The following LEPR variants were observed in gnomAD, a reference collection of about 807,000 sequenced individuals.
LEPR encodes the protein OB receptor.
Under a neutral mutation model 114.7 loss-of-function variants are expected in LEPR, and 56 were observed. That is an observed-to-expected ratio of 0.49 (90% confidence interval 0.39 to 0.61). The LOEUF is 0.61. Ranked by LOEUF, LEPR falls within the 20% of genes least tolerant of loss-of-function variation. The probability of loss-of-function intolerance (pLI) is 0.00; values close to 1 mark genes in which losing one functional copy is unlikely to be tolerated. For missense variants in LEPR, 1,202 were observed against 1,352.9 expected, an observed-to-expected ratio of 0.89 and a Z score of 1.75; for synonymous variants, 443 against 461.4, an observed-to-expected ratio of 0.96 and a Z score of 0.51.
intron 2 of LEPR, among the ~76,000 whole-genome samples, chr1:65,456,849 A>T (rs72681327): frequency 0.29 from 44,516 of 151,910 alleles, 8,344 homozygotes; most frequent in Non-Finnish European, 0.42. Flanking sequence ...TATTTGTTAG[A>T]TTTTTATTTG....
chr1:65,542,761 G>C (rs1296620673), intron 2 of LEPR, among the ~76,000 whole-genome samples: 1 of 151,906 alleles, frequency 6.6e-6, no homozygotes, highest in African/African-American at 2.4e-5. Flanking sequence ...ATGGTTTCCA[G>C]CTTCATTCAT....
At chr1:65,585,892 G>T (rs191887917) in intron 5 of LEPR, among the ~76,000 whole-genome samples, 6 of 152,052 alleles carry the variant, frequency 3.9e-5, no homozygotes, top group Admixed American at 3.9e-4. Context: ...ATGTAACAAG[G>T]TTGGTGGATT....
intron 2 of LEPR, among the ~76,000 whole-genome samples, chr1:65,489,665 G>A (rs900776835): frequency 2.6e-5 from 4 of 151,972 alleles, no homozygotes; most frequent in African/African-American, 9.7e-5. Flanking sequence ...GATCTTTTGA[G>A]GTATTACTCA....
At chr1:65,493,747 T>G (rs1349467434) in intron 2 of LEPR, 1 of 152,174 alleles carries the variant, frequency 6.6e-6, no homozygotes, top group East Asian at 1.9e-4. Context: ...AGGACAAGGC[T>G]GTGTTACTGA....
At chr1:65,434,041 T>C in intron 2 of LEPR, 1 of 985,344 alleles carries the variant, frequency 1.0e-6, no homozygotes, top group Non-Finnish European at 1.2e-6. Flanking sequence ...TTTTTGTTGC[T>C]TATACACATT....
chr1:65,593,328 A>G (rs1006404300), intron 6 of LEPR, among the ~76,000 whole-genome samples: 14 of 152,104 alleles, frequency 9.2e-5, no homozygotes, highest in Non-Finnish European at 1.8e-4. Context: ...AGACAATGAT[A>G]AAAGAGTAAA....
At chr1:65,480,223 T>C (rs7554485) in intron 2 of LEPR, among the ~76,000 whole-genome samples, 81,924 of 151,500 alleles carry the variant, frequency 0.54, 22,970 homozygotes, top group Middle Eastern at 0.7. Flanking sequence ...ACAATTCCTA[T>C]GGTAGAAAAA....
chr1:65,634,338 G>A (rs1184399526), intron 19 of LEPR: 4 of 979,982 alleles, frequency 4.1e-6, no homozygotes, highest in African/African-American at 1.8e-5. Flanking sequence ...ACTTCTAATA[G>A]GTGTCATTGA....
chr1:65,601,965 G>T lies in LEPR; in HGVS notation c.1403+5G>T, dbSNP rs773223936. Reference sequence around the variant, plus strand: ...TTTGCAATTGAGGTATCATAGGTACGTATTATTTTTGCTGTTTTGTTTTTC... The same window carrying T: ...TTTGCAATTGAGGTATCATAGGTACTTATTATTTTTGCTGTTTTGTTTTTC... On this transcript the variant is annotated splice_donor_5th_base_variant and intron_variant, in intron 10 of 19. Coordinates refer to ENST00000349533, the MANE Select transcript of LEPR (RefSeq NM_002303.6). 1 of 1,610,494 alleles carries T rather than the reference G, an allele frequency of 6.2e-7. No individual in the cohort carries two copies.
intron 2 of LEPR, among the ~76,000 whole-genome samples, chr1:65,498,561 C>T (rs1325178279): frequency 2.6e-5 from 4 of 151,766 alleles, no homozygotes; most frequent in African/African-American, 7.3e-5. Context: ...TGGGTAGAGA[C>T]GGAGGAATGG....
At chr1:65,483,156 T>G (rs542369604) in intron 2 of LEPR, among the ~76,000 whole-genome samples, 10 of 151,838 alleles carry the variant, frequency 6.6e-5, no homozygotes, top group Non-Finnish European at 1.5e-4. Flanking sequence ...GGAGACACTG[T>G]AAGGACAGCA....
rs1457403575 is a variant in LEPR at position 65,524,385 on chromosome 1, A to G, written c.-20-41161A>G. 2.0e-5 allele frequency among the ~76,000 whole-genome samples: 3 copies of G among 152,314 alleles called. No homozygotes were observed. In the East Asian group the frequency reaches 5.8e-4, roughly 29 times the overall value. Reference sequence around the variant, plus strand: ...CACAGATAGTGCTGAAAGCCCATTTAGTACACAAATATGACACTTCTGAAT... The same window carrying G: ...CACAGATAGTGCTGAAAGCCCATTTGGTACACAAATATGACACTTCTGAAT... On this transcript the variant is annotated intron_variant, in intron 2 of 19. Transcript: ENST00000349533.
At chr1:65,624,724 A>G (rs922193844) in intron 19 of LEPR, among the ~76,000 whole-genome samples, 20 of 152,206 alleles carry the variant, frequency 1.3e-4, no homozygotes, top group African/African-American at 4.8e-4. Flanking sequence ...CACTAAATTG[A>G]TTTCACAACA....
At chr1:65,500,363 A>T (rs1008290151) in intron 2 of LEPR, among the ~76,000 whole-genome samples, 3 of 152,142 alleles carry the variant, frequency 2.0e-5, no homozygotes, top group African/African-American at 7.2e-5. Flanking sequence ...TTTTTCCTCC[A>T]TAATTTCATT....
intron 2 of LEPR, among the ~76,000 whole-genome samples, chr1:65,552,681 T>A (rs1051400450): frequency 6.6e-6 from 1 of 152,208 alleles, no homozygotes; most frequent in African/African-American, 2.4e-5. Flanking sequence ...TTTGGCAGTC[T>A]GTGTCTTTTA....
At chr1:65,573,647 G>A (rs535395189) in intron 5 of LEPR, among the ~76,000 whole-genome samples, 13 of 152,100 alleles carry the variant, frequency 8.5e-5, no homozygotes, top group East Asian at 3.9e-4. Context: ...TTAAAGTCTC[G>A]CTTCCTTCAG....
At chr1:65,635,229 A>G (rs1658676206) in intron 19 of LEPR, 1 of 975,794 alleles carries the variant, frequency 1.0e-6, no homozygotes, top group Non-Finnish European at 1.2e-6. Context: ...TATAAGCTGA[A>G]CACATTTTCT....
intron 14 of LEPR, among the ~76,000 whole-genome samples, chr1:65,611,334 T>C (rs949596335): frequency 6.6e-6 from 1 of 152,204 alleles, no homozygotes; most frequent in Non-Finnish European, 1.5e-5. Flanking sequence ...ATTCAGGACC[T>C]GTATTCTGAG....
intron 6 of LEPR, among the ~76,000 whole-genome samples, chr1:65,595,173 A>G (rs1417765902): frequency 1.8e-5 from 2 of 109,458 alleles, no homozygotes; most frequent in East Asian, 1.8e-3. Flanking sequence ...AGCTTGCTGC[A>G]GGGGTGGCAT....
Sources: allele counts gnomAD v4.1 joint callset (sites outside exome capture counted in the v4.1 genomes callset), GRCh38; gene constraint gnomAD v4.1.1; transcripts MANE v1.5; gene names NCBI Gene and HGNC (gene_info 2026-07-23, HGNC 2026-07-21).